Variants in MISP observed in about 807,000 individuals in gnomAD.
MISP encodes the protein mitotic interactor and substrate of PLK1.
MISP carries 51 observed loss-of-function variants against 49.3 expected under a neutral mutation model. The ratio of observed to expected loss-of-function variants is 1.03; its 90% CI spans 0.83 to 1.31. MISP has a LOEUF of 1.31. Ranked by LOEUF, MISP falls within the 50% of genes most tolerant of loss-of-function variation. The pLI, the probability that MISP is intolerant of heterozygous loss-of-function variation, is 0.00. For synonymous variants in MISP, 444 were observed against 392.6 expected (o/e 1.13, Z -1.55); for missense variants, 1,084 against 935.1 (o/e 1.16, Z -2.08).
chr19:757,556 G>A lies in MISP; in HGVS notation c.610G>A (p.Glu204Lys), dbSNP rs752469421. Residue 204 changes from glutamate (E) to lysine (K), a missense_variant, in exon 2 of 5, where the codon GAG becomes AAG. Physicochemically the swap from Glu to Lys is moderately conservative, Grantham distance 56. Coordinates refer to ENST00000215582, the MANE Select transcript of MISP (RefSeq NM_173481.4). ...LAARQQFLSLEQANKGAPHSS... is the reference protein window; with the variant it reads ...LAARQQFLSLKQANKGAPHSS... ...AGCGAGACAGCAGTTCCTGAGTCTGGAGCAGGCGAACAAGGGGGCCCCTCA... is the reference window on the plus strand; with the variant it reads ...AGCGAGACAGCAGTTCCTGAGTCTGAAGCAGGCGAACAAGGGGGCCCCTCA... The A allele has an allele frequency of 1.2e-6, 2 of 1,612,678 alleles. No homozygotes were observed. The highest frequency in any genetic ancestry group is 8.5e-7 in the Non-Finnish European group (1 of 1,179,652).
intron 4 of MISP, among the ~76,000 whole-genome samples, chr19:762,664 T>G (rs1455549858): frequency 6.6e-6 from 1 of 151,628 alleles, no homozygotes; most frequent in Non-Finnish European, 1.5e-5. Context: ...TTTTTTTTTA[T>G]TTTTACTTTT....
At chr19:754,324 C>T (rs1181125648) in intron 1 of MISP, among the ~76,000 whole-genome samples, 14 of 152,156 alleles carry the variant, frequency 9.2e-5, no homozygotes, top group Admixed American at 1.3e-4. Context: ...ATTAGCCAGG[C>T]GTGGTGGCGG....
chr19:754,102 G>A (rs772379002), intron 1 of MISP, among the ~76,000 whole-genome samples: 8 of 151,962 alleles, frequency 5.3e-5, no homozygotes, highest in Non-Finnish European at 8.8e-5. Context: ...CGGATCACCT[G>A]AAGTCAGGAG....
At chr19:750,778 G>C (rs1028530242), upstream of MISP, among the ~76,000 whole-genome samples, 4 of 152,194 alleles carry the variant, frequency 2.6e-5, no homozygotes, top group Non-Finnish European at 4.4e-5. Context: ...AGGAGACACA[G>C]GCCACTGTGC....
At chr19:753,026 TGACCTGTGGCCACAGCAGGCGAGAGCGAG>T (rs1322964982) in intron 1 of MISP, among the ~76,000 whole-genome samples, 4 of 152,186 alleles carry the variant, frequency 2.6e-5, no homozygotes, top group Non-Finnish European at 4.4e-5. Context: ...GGAAGGGTGC[TGACCTGTGGCCACAGCAGGCGAGAGCGAG>T]GCCTGGGCTG....
chr19:752,323 G>A (rs2033472431), intron 1 of MISP, among the ~76,000 whole-genome samples: 1 of 152,104 alleles, frequency 6.6e-6, no homozygotes, highest in Admixed American at 6.6e-5. Context: ...GTGGATCCAG[G>A]GGTTTTTTTG....
chr19:758,552 C>T lies in MISP; in HGVS notation c.1606C>T (p.Leu536=). ...CTGGGAGGTGGCTGGGGCCCCTGCACTGAGGCTGCAGAAGTCCCAGTCATC... is the reference window on the plus strand; with the variant it reads ...CTGGGAGGTGGCTGGGGCCCCTGCATTGAGGCTGCAGAAGTCCCAGTCATC... ...WGWEVAGAPA[L]RLQKSQSSDL... is the part of the protein sequence containing the mutation. The change falls in exon 2 of 5, where the codon CTG becomes TTG. Residue 536 remains leucine (L), a synonymous_variant. Coordinates refer to ENST00000215582, the MANE Select transcript of MISP (RefSeq NM_173481.4). 6.2e-7 allele frequency: 1 copy of T among 1,614,184 alleles called. No homozygotes were observed. Among genetic ancestry groups the T allele is most frequent in the Non-Finnish European group, 8.5e-7 (1 of 1,180,010 alleles).
At position 757,523 on chromosome 19, in the gene MISP, T is replaced by C. The variant is rs767724228; in HGVS notation, c.577T>C (p.Phe193Leu). ...ENVVDREQID[F>L]LAARQQFLSL... ...CGTGGTTGACAGGGAGCAGATTGAC[T>C]TCCTGGCAGCGAGACAGCAGTTCCT... The change falls in exon 2 of 5, where the codon TTC becomes CTC. Residue 193 changes from phenylalanine to leucine, a missense_variant. Coordinates refer to ENST00000215582, the MANE Select transcript of MISP (RefSeq NM_173481.4). 51 of 1,609,992 alleles carry C rather than the reference T, an allele frequency of 3.2e-5. No individual in the cohort carries two copies. In the Admixed American group the frequency reaches 4.1e-4, roughly 13 times the overall value.
At chr19:756,850 G>A in intron 1 of MISP, 40 bp from the exon 2 acceptor site, 1 of 1,030,430 alleles carries the variant, frequency 9.7e-7, no homozygotes, top group Middle Eastern at 2.3e-4. Context: ...CTCCCTAGGT[G>A]CTCTGACTTG....
chr19:762,930 C>T (rs550436692), intron 4 of MISP, among the ~76,000 whole-genome samples: 3 of 152,294 alleles, frequency 2.0e-5, no homozygotes, highest in African/African-American at 7.2e-5. Flanking sequence ...CCTCAGCACA[C>T]CAAATTTCTG....
upstream of MISP, among the ~76,000 whole-genome samples, chr19:749,837 C>A (rs1351653345): frequency 7.7e-6 from 1 of 129,894 alleles, no homozygotes; most frequent in African/African-American, 2.5e-5. Context: ...AAAAAAAACA[C>A]AAAAAAAGCA....
rs139288244 is a variant in MISP, at chr19:763,693, G to C, written c.*103G>C. On this transcript the variant is annotated 3_prime_UTR_variant, in exon 5 of 5. Coordinates refer to ENST00000215582, the MANE Select transcript of MISP (RefSeq NM_173481.4). ...CCTAGGAAATGGGTCCTAGGTCCAG[G>C]ATCCAAGAACCACAGCTCATCTGCC... 4.3e-5 allele frequency: 34 copies of C among 785,894 alleles called. No individual in the cohort carries two copies. Among genetic ancestry groups the C allele is most frequent in the Non-Finnish European group, 6.2e-5 (29 of 470,228 alleles). The allele number at this position is 785,894 out of a possible 1,614,324, so 48.7% of individuals were successfully genotyped here.
At chr19:750,742 T>C (rs1044275048), upstream of MISP, among the ~76,000 whole-genome samples, 2 of 151,964 alleles carry the variant, frequency 1.3e-5, no homozygotes, top group Non-Finnish European at 2.9e-5. Context: ...ACGGACGGGA[T>C]TGGGACTCAG....
intron 1 of MISP, among the ~76,000 whole-genome samples, chr19:752,731 G>A (rs912221424): frequency 6.7e-6 from 1 of 149,720 alleles, no homozygotes; most frequent in African/African-American, 2.5e-5. Flanking sequence ...TCGAGGCTGG[G>A]CGGACAGCTC....
intron 1 of MISP, among the ~76,000 whole-genome samples, chr19:751,715 G>T (rs1479130741): frequency 6.6e-6 from 1 of 152,148 alleles, no homozygotes; most frequent in South Asian, 2.1e-4. Context: ...TCGGGTGGGG[G>T]TGAGGTGGTA....
chr19:755,613 T>C (rs946389074), intron 1 of MISP, among the ~76,000 whole-genome samples: 1 of 152,044 alleles, frequency 6.6e-6, no homozygotes, highest in African/African-American at 2.4e-5. Context: ...CAGATAAATA[T>C]GGTGCGGCCA....
At position 763,514 on chromosome 19, in the gene MISP, T is replaced by C; in HGVS notation, c.1964T>C (p.Ile655Thr). ...TCCTTTTTGCAGGTCCTGGAAGCCA[T>C]ACGGGTGACCCGTCACAAGAACGCC... ...DGINSEVLEA[I>T]RVTRHKNAMA... The change falls in exon 5 of 5, where the codon ATA becomes ACA. Residue 655 changes from isoleucine to threonine, a missense_variant. Coordinates refer to ENST00000215582, the MANE Select transcript of MISP (RefSeq NM_173481.4). 6.2e-7 allele frequency: 1 copy of C among 1,613,982 alleles called. No homozygotes were observed. The highest frequency in any genetic ancestry group is 1.3e-5 in the African/African-American group (1 of 75,014).
Position 757,022 on chromosome 19 carries a change from G to A in MISP, c.76G>A (p.Asp26Asn). 1.2e-6 allele frequency: 2 copies of A among 1,605,856 alleles called. No individual in the cohort carries two copies. The highest frequency in any genetic ancestry group is 1.7e-6 in the Non-Finnish European group (2 of 1,176,180). Residue 26 changes from aspartate (D) to asparagine (N), a missense_variant, in exon 2 of 5, where the codon GAC becomes AAC. Physicochemically the swap from Asp to Asn is conservative, Grantham distance 23. Coordinates refer to ENST00000215582, the MANE Select transcript of MISP (RefSeq NM_173481.4). ...TGGCACCGGCCTGGTGCTGGATGGA[G>A]ACACCAGCTACACATACCATCTGGT... ...HRGTGLVLDG[D>N]TSYTYHLVCM... is the part of the protein sequence containing the mutation.
At chr19:761,692 A>G (rs1309046860) in intron 4 of MISP, 29 bp downstream of exon 4, 1 of 1,613,418 alleles carries the variant, frequency 6.2e-7, no homozygotes, top group Non-Finnish European at 8.5e-7. Flanking sequence ...ACGAAGACTC[A>G]AGTCTTTCCC....
Sources: allele counts gnomAD v4.1 joint callset (sites outside exome capture counted in the v4.1 genomes callset), GRCh38; gene constraint gnomAD v4.1.1; transcripts MANE v1.5; gene names NCBI Gene and HGNC (gene_info 2026-07-23, HGNC 2026-07-21).